Variants in FBL observed in about 807,000 individuals in gnomAD.
FBL encodes fibrillarin rRNA 2'-O-methyltransferase.
Under a neutral mutation model 42.2 loss-of-function variants are expected in FBL, and 10 were observed. The ratio of observed to expected loss-of-function variants is 0.24; its 90% CI spans 0.15 to 0.40. FBL has a LOEUF of 0.40. Ranked by LOEUF, FBL falls within the 10% of genes least tolerant of loss-of-function variation. The probability of loss-of-function intolerance (pLI) is 1.00; values close to 1 mark genes in which losing one functional copy is unlikely to be tolerated. For synonymous variants in FBL, 165 were observed against 165.4 expected, an observed-to-expected ratio of 1.00 and a Z score of 0.02; for missense variants, 351 against 439.2, an observed-to-expected ratio of 0.80 and a Z score of 1.79.
intron 5 of FBL, 113 bp from the exon 6 acceptor site, chr19:39,837,956 T>A: frequency 1.3e-6 from 1 of 782,226 alleles, no homozygotes; most frequent in Non-Finnish European, 2.0e-6. Flanking sequence ...ATCAAAACCC[T>A]ACCATCTAAT....
At chr19:39,839,261 G>T in intron 4 of FBL, 56 bp from the exon 5 acceptor site, 1 of 1,443,678 alleles carries the variant, frequency 6.9e-7, no homozygotes, top group Non-Finnish European at 9.5e-7. Flanking sequence ...GGACCTCACT[G>T]CCTTTAACCC....
intron 5 of FBL, 111 bp downstream of exon 5, chr19:39,838,924 G>A: frequency 2.2e-6 from 2 of 927,918 alleles, no homozygotes; most frequent in South Asian, 3.2e-5. Flanking sequence ...GACAGAAAAG[G>A]GCCTGGCCCT....
At chr19:39,844,408 A>C (rs1969219892) in intron 1 of FBL, among the ~76,000 whole-genome samples, 1 of 152,076 alleles carries the variant, frequency 6.6e-6, no homozygotes, top group Non-Finnish European at 1.5e-5. Flanking sequence ...AAAATGTACC[A>C]AAAGTACCCA....
In FBL at chr19:39,836,462, CCT is replaced by C; in HGVS notation, c.795+92_795+93del. 10 of 759,022 alleles carry C rather than the reference CCT, an allele frequency of 1.3e-5. 1 individual carries two copies. In the South Asian group the frequency reaches 1.4e-4, roughly 11 times the overall value. 47.0% of individuals were successfully genotyped at this position (759,022 alleles called of 1,614,324 possible). A position where few individuals can be genotyped will look rare whatever the true frequency, so the allele number is the denominator to read the frequency against. Reference sequence around the variant, plus strand: ...AAGCTATAGTTTTGCAGACTTGGCCCCTCTGTTTTGGGTGGCTATTTGACAGA... The same window carrying C: ...AAGCTATAGTTTTGCAGACTTGGCCCCTGTTTTGGGTGGCTATTTGACAGA... On this transcript the variant is annotated intron_variant, in intron 7 of 8. Coordinates refer to ENST00000221801, the MANE Select transcript of FBL (RefSeq NM_001436.4).
rs1030702866 is a variant in FBL, at chr19:39,840,673, C to T, written c.125G>A (p.Gly42Asp). The T allele has an allele frequency of 1.2e-6, 2 of 1,604,882 alleles. No homozygotes were observed. Among genetic ancestry groups the T allele is most frequent in the Non-Finnish European group, 1.7e-6 (2 of 1,175,776 alleles). Residue 42 changes from glycine to aspartate, a missense_variant, in exon 2 of 9, where the codon GGT (glycine) becomes GAT (aspartate). Transcript: ENST00000221801. This position sits in a 1 kb window ranked among gnomAD's most constrained non-coding sequence, Gnocchi z 4.5. ...GGRGRGGGFR[G>D]RGRGGGGGGG... ...GCCTCCACCTCCTCCTCGTCCACGA[C>T]CTCTAAAGCCTCCGCCTCGACCTCG... is the stretch of plus-strand genomic sequence containing the variant.
chr19:39,836,541 T>C lies in FBL; in HGVS notation c.795+15A>G. On this transcript the variant is annotated intron_variant, in intron 7 of 8. Transcript: ENST00000221801. The stretch of plus-strand genomic sequence containing the variant: ...AACACTGCCACCCCATCTTAGACTC[T>C]TCCAAACCCCGCACCTTAATGGAAA... 1.3e-6 allele frequency: 2 copies of C among 1,583,338 alleles called. No individual in the cohort carries two copies. Among genetic ancestry groups the C allele is most frequent in the Non-Finnish European group, 1.7e-6 (2 of 1,152,478 alleles).
Position 39,840,365 on chromosome 19 carries a change from G to A in FBL, c.284-38C>T. 3 of 1,606,110 alleles carry A rather than the reference G, an allele frequency of 1.9e-6. No individual in the cohort carries two copies. Among genetic ancestry groups the A allele is most frequent in the African/African-American group, 1.3e-5 (1 of 74,858 alleles). On this transcript the variant is annotated intron_variant, in intron 3 of 8. Transcript: ENST00000221801. The surrounding 1 kb of genome is among the most constrained non-coding windows in gnomAD (Gnocchi z 4.5). ...ATCAGAGCAGGGGTGAGGACCCCCA[G>A]CCTCTCCCTGCCCCGAAGCTCAGCC...
At chr19:39,846,186 G>C in intron 1 of FBL, 105 bp downstream of exon 1, 2 of 1,360,476 alleles carry the variant, frequency 1.5e-6, no homozygotes, top group South Asian at 1.2e-5. Context: ...CCCGTGCTCA[G>C]AACCCCTGCC....
chr19:39,844,699 T>C (rs939449719), intron 1 of FBL, among the ~76,000 whole-genome samples: 2 of 152,190 alleles, frequency 1.3e-5, no homozygotes, highest in African/African-American at 2.4e-5. Context: ...CACCATCTCC[T>C]AGATTACAGC....
intron 5 of FBL, 40 bp from the exon 6 acceptor site, chr19:39,837,883 C>T: frequency 6.3e-7 from 1 of 1,588,206 alleles, no homozygotes. Flanking sequence ...GATGCTAGTT[C>T]TCATGCATGG....
At chr19:39,839,236 C>T (rs1472706229) in intron 4 of FBL, 31 bp from the exon 5 acceptor site, 1 of 1,566,984 alleles carries the variant, frequency 6.4e-7, no homozygotes, top group Non-Finnish European at 8.7e-7. Flanking sequence ...GAAGTCAGTG[C>T]TAGGCTCTTC....
intron 5 of FBL, 125 bp downstream of exon 5, chr19:39,838,910 C>T: frequency 1.2e-6 from 1 of 818,144 alleles, no homozygotes; most frequent in Admixed American, 2.4e-5. Context: ...CTCACAGGCA[C>T]AGTGACAGAA....
intron 1 of FBL, among the ~76,000 whole-genome samples, chr19:39,845,739 G>T (rs1035300670): frequency 6.6e-6 from 1 of 152,232 alleles, no homozygotes; most frequent in Non-Finnish European, 1.5e-5. Context: ...AGGCGGGAAA[G>T]TGAGCCGAAG....
At chr19:39,845,565 CT>C (rs1162705613) in intron 1 of FBL, among the ~76,000 whole-genome samples, 1 of 152,156 alleles carries the variant, frequency 6.6e-6, no homozygotes, top group Non-Finnish European at 1.5e-5. Flanking sequence ...TCAGCAGAAT[CT>C]AGTGGAAAAT....
intron 1 of FBL, among the ~76,000 whole-genome samples, chr19:39,844,401 A>G (rs1160545861): frequency 6.6e-6 from 1 of 151,788 alleles, no homozygotes; most frequent in East Asian, 1.9e-4. Context: ...TTGGGGGAAA[A>G]TGTACCAAAA....
Position 39,840,480 on chromosome 19 carries a change from C to T in FBL, c.217G>A (p.Gly73Ser). ...TGGTTTCCTCTTTTTCCTCCCCGAC[C>T]ACGACCCCGGTTGCCACCAGAATGG... ...GFHSGGNRGR[G>S]RGGKRGNQSG... is the part of the protein sequence containing the mutation. The change falls in exon 3 of 9, where the codon GGT becomes AGT. Residue 73 changes from glycine (G) to serine (S), a missense_variant. Coordinates refer to ENST00000221801, the MANE Select transcript of FBL (RefSeq NM_001436.4). This position sits in a 1 kb window ranked among gnomAD's most constrained non-coding sequence, Gnocchi z 4.5. The T allele has an allele frequency of 6.2e-7, 1 of 1,614,168 alleles. No homozygotes were observed.
At chr19:39,842,316 G>A (rs964179727) in intron 1 of FBL, among the ~76,000 whole-genome samples, 3 of 152,148 alleles carry the variant, frequency 2.0e-5, no homozygotes, top group Non-Finnish European at 4.4e-5. Context: ...TCAATCTCCT[G>A]ACCTCTTGAT....
chr19:39,846,331 C>A lies in FBL; in HGVS notation c.-31G>T. 6.2e-7 allele frequency: 1 copy of A among 1,612,550 alleles called. No individual in the cohort carries two copies. The highest frequency in any genetic ancestry group is 8.5e-7 in the Non-Finnish European group (1 of 1,179,384). ...GCCCTGGTTTGTGCGGCTCCGGAGT[C>A]CGCGGCGTTCACAACTCCACGAGTC... On this transcript the variant is annotated 5_prime_UTR_variant, in exon 1 of 9. Coordinates refer to ENST00000221801, the MANE Select transcript of FBL (RefSeq NM_001436.4).
chr19:39,844,359 A>C (rs1969218881), intron 1 of FBL, among the ~76,000 whole-genome samples: 1 of 152,022 alleles, frequency 6.6e-6, no homozygotes, highest in African/African-American at 2.4e-5. Flanking sequence ...AGATACTCAA[A>C]ACATCTCAAT....
Sources: gnomAD v4.1 joint callset for allele counts (sites outside exome capture counted in the v4.1 genomes callset) on GRCh38, gnomAD v4.1.1 for gene constraint, Gnocchi (gnomAD v3.1) non-coding constraint, MANE v1.5 for transcripts, NCBI Gene and HGNC (gene_info 2026-07-23, HGNC 2026-07-21) for gene names.